The following ITSN1 variants were observed in gnomAD, a reference collection of about 807,000 sequenced individuals.
The protein encoded by ITSN1 is intersectin-1.
Under a neutral mutation model 239.8 loss-of-function variants are expected in ITSN1, and 58 were observed. The observed-to-expected ratio is 0.24, with a 90% CI of 0.20 to 0.30. The LOEUF is 0.30. Among genes scored for constraint, ITSN1 ranks in the 10% least tolerant of loss-of-function variants. The probability of loss-of-function intolerance (pLI) is 1.00; values close to 1 mark genes in which losing one functional copy is unlikely to be tolerated. For synonymous variants in ITSN1, 780 were observed against 770.8 expected, an observed-to-expected ratio of 1.01 and a Z score of -0.20; for missense variants, 1,558 against 2,103.3, an observed-to-expected ratio of 0.74 and a Z score of 5.07.
chr21:33,781,395 TG>T, intron 14 of ITSN1, 65 bp from the exon 15 acceptor site: 1 of 859,362 alleles, frequency 1.2e-6, no homozygotes, highest in Non-Finnish European at 2.0e-6. Context: ...AAGCTCTGCC[TG>T]GATCTTAATG....
chr21:33,666,874 T>A (rs1782207063), intron 1 of ITSN1, among the ~76,000 whole-genome samples: 1 of 152,208 alleles, frequency 6.6e-6, no homozygotes, highest in African/African-American at 2.4e-5. Flanking sequence ...CAATGACAGC[T>A]CACTGCAGCC....
In ITSN1 at chr21:33,882,572, CA is replaced by C; in HGVS notation, c.4554+118del. 1 of 831,932 alleles carries C rather than the reference CA, an allele frequency of 1.2e-6. No individual in the cohort carries two copies. Among genetic ancestry groups the C allele is most frequent in the East Asian group, 2.7e-5 (1 of 37,672 alleles). The allele number at this position is 831,932 out of a possible 1,614,324, so 51.5% of individuals were successfully genotyped here. A position where few individuals can be genotyped will look rare whatever the true frequency, so the allele number is the denominator to read the frequency against. On this transcript the variant is annotated intron_variant, in intron 35 of 39. Transcript: ENST00000381318. This position sits in a 1 kb window ranked among gnomAD's most constrained non-coding sequence, Gnocchi z 4.5. ...GGGGCTGTGGCATGCAGGAGAAGGC[CA>C]GGAGTTGAAATGCGATTTAGGGTGT...
chr21:33,855,053 C>G (rs192767753), intron 29 of ITSN1, among the ~76,000 whole-genome samples: 191 of 152,222 alleles, frequency 1.3e-3, no homozygotes, highest in African/African-American at 4.4e-3. Flanking sequence ...AAAGCATTTG[C>G]CAAGAAATCT....
At chr21:33,727,047 T>G (rs1217822440) in intron 4 of ITSN1, among the ~76,000 whole-genome samples, 2 of 152,208 alleles carry the variant, frequency 1.3e-5, no homozygotes, top group Non-Finnish European at 2.9e-5. Flanking sequence ...GGACTCCTTG[T>G]CTCTCCTGGC....
chr21:33,764,837 G>A (rs1407796286), intron 9 of ITSN1, among the ~76,000 whole-genome samples: 1 of 152,124 alleles, frequency 6.6e-6, no homozygotes, highest in East Asian at 1.9e-4. Context: ...TCACATTCTT[G>A]GACTTGCCAG....
intron 1 of ITSN1, among the ~76,000 whole-genome samples, chr21:33,649,227 G>A (rs556371867): frequency 2.0e-5 from 3 of 152,184 alleles, no homozygotes; most frequent in Non-Finnish European, 2.9e-5. Context: ...CCACTTTGGA[G>A]ATAGAAAGTG....
rs1242157435 is a variant in ITSN1, at chr21:33,898,177, A to G, written c.*9877A>G. 9.8e-5 allele frequency: 15 copies of G among 152,348 alleles called. No homozygotes were observed. The highest frequency in any genetic ancestry group is 3.6e-4 in the African/African-American group (15 of 41,566). 9.4% of individuals were successfully genotyped at this position (152,348 alleles called of 1,614,324 possible). On this transcript the variant is annotated 3_prime_UTR_variant, in exon 40 of 40. Coordinates refer to ENST00000381318, the MANE Select transcript of ITSN1 (RefSeq NM_003024.3). ...CTGGGGCTGACGCAGCTATCCCACTAGAGAGGCCACTCTCTGACTTCCAGG... is the reference window on the plus strand; with the variant it reads ...CTGGGGCTGACGCAGCTATCCCACTGGAGAGGCCACTCTCTGACTTCCAGG...
At chr21:33,846,137 AC>A (rs1223924892) in intron 29 of ITSN1, among the ~76,000 whole-genome samples, 2 of 151,796 alleles carry the variant, frequency 1.3e-5, no homozygotes, top group African/African-American at 4.8e-5. Flanking sequence ...GTCTCACCCA[AC>A]CCAGAACCTT....
chr21:33,697,723 T>C (rs1168153982), intron 1 of ITSN1, among the ~76,000 whole-genome samples: 1 of 152,210 alleles, frequency 6.6e-6, no homozygotes, highest in Non-Finnish European at 1.5e-5. Context: ...TTATATTTTT[T>C]TTCCAGGAAG....
In ITSN1 at chr21:33,797,365, G is replaced by GT. The variant is rs879354864; in HGVS notation, c.1953-13dup. ...AGTTGCTTTCTTGCTGTAATCAAGC[G>GT]TGTTTGTTGGCAGACGAGCTCAGGA... On this transcript the variant is annotated splice_polypyrimidine_tract_variant and intron_variant, in intron 17 of 39. Coordinates refer to ENST00000381318, the MANE Select transcript of ITSN1 (RefSeq NM_003024.3). This position sits in a 1 kb window ranked among gnomAD's most constrained non-coding sequence, Gnocchi z 4.9. The GT allele has an allele frequency of 2.4e-5, 39 of 1,610,736 alleles. No individual in the cohort carries two copies. Among genetic ancestry groups the GT allele is most frequent in the Non-Finnish European group, 3.3e-5 (39 of 1,177,464 alleles).
chr21:33,768,168 T>G (rs1045723695), intron 11 of ITSN1, among the ~76,000 whole-genome samples: 1 of 152,220 alleles, frequency 6.6e-6, no homozygotes, highest in Non-Finnish European at 1.5e-5. Flanking sequence ...ATACCACCAG[T>G]GCAGAAATAG....
intron 1 of ITSN1, among the ~76,000 whole-genome samples, chr21:33,652,997 CTTT>C (rs774663981): frequency 1.0e-4 from 14 of 137,018 alleles, no homozygotes; most frequent in Admixed American, 1.5e-4. Context: ...CTGGGAAGTT[CTTT>C]TTTTTTTTTT....
At chr21:33,673,372 A>G (rs1473483895) in intron 1 of ITSN1, among the ~76,000 whole-genome samples, 1 of 152,146 alleles carries the variant, frequency 6.6e-6, no homozygotes, top group African/African-American at 2.4e-5. Flanking sequence ...CTGAGAGTAG[A>G]TTTCAGGTAC....
At chr21:33,709,064 C>A (rs943224382) in intron 1 of ITSN1, among the ~76,000 whole-genome samples, 1 of 152,136 alleles carries the variant, frequency 6.6e-6, no homozygotes, top group African/African-American at 2.4e-5. Flanking sequence ...TATAGTAAAT[C>A]TTGAAATCAG....
chr21:33,848,438 C>T (rs1026515336), intron 29 of ITSN1, among the ~76,000 whole-genome samples: 3 of 152,174 alleles, frequency 2.0e-5, no homozygotes, highest in African/African-American at 4.8e-5. Flanking sequence ...GTTGTTTAAG[C>T]GGCTGGGTCT....
intron 1 of ITSN1, among the ~76,000 whole-genome samples, chr21:33,699,815 A>C (rs897873746): frequency 6.6e-6 from 1 of 152,216 alleles, no homozygotes; most frequent in African/African-American, 2.4e-5. Context: ...CTGCAGTGCC[A>C]GTGGTGCCAT....
At chr21:33,649,006 T>C (rs190129453) in intron 1 of ITSN1, among the ~76,000 whole-genome samples, 87 of 152,336 alleles carry the variant, frequency 5.7e-4, no homozygotes, top group Admixed American at 1.6e-3. Flanking sequence ...AAAGTACCCC[T>C]GCATGAAAAA....
chr21:33,893,645 G>T lies in ITSN1; in HGVS notation c.*5345G>T, dbSNP rs1020137697. 5.3e-5 allele frequency: 8 copies of T among 152,178 alleles called. No individual in the cohort carries two copies. Among genetic ancestry groups the T allele is most frequent in the African/African-American group, 1.9e-4 (8 of 41,426 alleles). The allele number at this position is 152,178 out of a possible 1,614,324, so 9.4% of individuals were successfully genotyped here. A position where few individuals can be genotyped will look rare whatever the true frequency, so the allele number is the denominator to read the frequency against. ...CTCTTCTGGTTAGACCTGACACGGA[G>T]GAAGTAATTGGCTGGTCAACTTAAT... On this transcript the variant is annotated 3_prime_UTR_variant, in exon 40 of 40. Transcript: ENST00000381318.
Position 33,898,451 on chromosome 21 carries a change from C to T in ITSN1, c.*10151C>T, listed in dbSNP as rs1044735122. The T allele has an allele frequency of 2.6e-5, 4 of 152,342 alleles. No homozygotes were observed. The South Asian group carries it at 8.3e-4, about 32-fold the overall frequency. The allele number at this position is 152,342 out of a possible 1,614,324, so 9.4% of individuals were successfully genotyped here. On this transcript the variant is annotated 3_prime_UTR_variant, in exon 40 of 40. Coordinates refer to ENST00000381318, the MANE Select transcript of ITSN1 (RefSeq NM_003024.3). ...CATTCCCAGAAAAGGATCAGAAGTC[C>T]AGGCTGCTTCTGGGGCACAGACTTT... is the stretch of plus-strand genomic sequence containing the variant.
Sources: gnomAD v4.1 joint callset for allele counts (sites outside exome capture counted in the v4.1 genomes callset) on GRCh38, gnomAD v4.1.1 for gene constraint, Gnocchi (gnomAD v3.1) non-coding constraint, MANE v1.5 for transcripts, NCBI Gene and HGNC (gene_info 2026-07-23, HGNC 2026-07-21) for gene names.